Variants in CEP112 observed in about 807,000 individuals in gnomAD.
CEP112 encodes the protein centrosomal protein 112.
A neutral mutation model predicts 153.0 loss-of-function variants in CEP112; 127 were observed. The observed-to-expected ratio is 0.83, with a 90% CI of 0.72 to 0.96. The LOEUF (loss-of-function observed/expected upper bound fraction) is 0.96. CEP112 is among the 40% of genes least tolerant of loss of function. The pLI is 0.00. For synonymous variants in CEP112, 358 were observed against 374.4 expected (o/e 0.96, Z 0.51); for missense variants, 1,089 against 1,101.2 (o/e 0.99, Z 0.16).
intron 19 of CEP112, among the ~76,000 whole-genome samples, chr17:65,923,384 C>T (rs2060802032): frequency 6.6e-6 from 1 of 151,922 alleles, no homozygotes; most frequent in Non-Finnish European, 1.5e-5. Context: ...TAAAATGTTA[C>T]AGAATATAAT....
intron 26 of CEP112, among the ~76,000 whole-genome samples, chr17:65,636,415 C>T (rs2044771036): frequency 6.6e-6 from 1 of 152,082 alleles, no homozygotes; most frequent in Non-Finnish European, 1.5e-5. Flanking sequence ...CAATGCCAAA[C>T]CCTTGGGGGA....
chr17:66,183,444 C>T (rs1013206643), intron 1 of CEP112, 137 bp from the exon 2 acceptor site: 14 of 517,706 alleles, frequency 2.7e-5, no homozygotes, highest in Non-Finnish European at 4.4e-5. Context: ...AATGCAACTC[C>T]CATCAAAACC....
At chr17:65,949,143 A>G (rs2144600951) in intron 18 of CEP112, among the ~76,000 whole-genome samples, 1 of 152,340 alleles carries the variant, frequency 6.6e-6, no homozygotes, top group East Asian at 1.9e-4. Context: ...AATCAAAGAC[A>G]CAATTTACCA....
Position 65,646,915 on chromosome 17 carries a change from G to C in CEP112, c.2698-5850C>G, listed in dbSNP as rs181235729. Reference sequence around the variant, plus strand: ...ACAATAACAATGACAACAACAACTGGTTCCAGAGGACTCCCCACGCCTTCC... The same window carrying C: ...ACAATAACAATGACAACAACAACTGCTTCCAGAGGACTCCCCACGCCTTCC... On this transcript the variant is annotated intron_variant, in intron 24 of 26. Coordinates refer to ENST00000535342, the MANE Select transcript of CEP112 (RefSeq NM_001199165.4). 1.7e-4 allele frequency among the ~76,000 whole-genome samples: 26 copies of C among 152,234 alleles called. 2 individuals are homozygous for C. The East Asian group carries it at 4.6e-3, about 27-fold the overall frequency.
chr17:65,917,246 T>G (rs144937658), intron 19 of CEP112, among the ~76,000 whole-genome samples: 1 of 152,126 alleles, frequency 6.6e-6, no homozygotes, highest in African/African-American at 2.4e-5. Flanking sequence ...GGGGCTGATA[T>G]GTAGCTGGGG....
chr17:66,138,710 A>T (rs1452078450), intron 4 of CEP112, among the ~76,000 whole-genome samples: 1 of 152,188 alleles, frequency 6.6e-6, no homozygotes, highest in Non-Finnish European at 1.5e-5. Context: ...CAAAACATAA[A>T]AAAAAAGAAT....
intron 19 of CEP112, among the ~76,000 whole-genome samples, chr17:65,922,500 C>G (rs2060769877): frequency 6.6e-6 from 1 of 151,786 alleles, no homozygotes; most frequent in Non-Finnish European, 1.5e-5. Context: ...CAGTGGTGTG[C>G]CAAAACAATT....
At chr17:65,653,329 T>C (rs573684557) in intron 24 of CEP112, among the ~76,000 whole-genome samples, 5 of 152,298 alleles carry the variant, frequency 3.3e-5, no homozygotes, top group East Asian at 3.9e-4. Flanking sequence ...CACCAATACA[T>C]AGGAGGATTA....
intron 21 of CEP112, among the ~76,000 whole-genome samples, chr17:65,807,456 A>T (rs2055675897): frequency 6.6e-6 from 1 of 152,232 alleles, no homozygotes; most frequent in South Asian, 2.1e-4. Flanking sequence ...CAGAGGAGCC[A>T]AATGTTAATA....
chr17:65,771,716 G>C (rs982334432), intron 21 of CEP112, among the ~76,000 whole-genome samples: 1 of 152,056 alleles, frequency 6.6e-6, no homozygotes, highest in Non-Finnish European at 1.5e-5. Context: ...TAATATTAGA[G>C]TCAAAGAAAG....
At chr17:66,086,103 C>A (rs1263876670) in intron 8 of CEP112, among the ~76,000 whole-genome samples, 1 of 151,448 alleles carries the variant, frequency 6.6e-6, no homozygotes, top group Admixed American at 6.6e-5. Flanking sequence ...CAATAATTAT[C>A]TCTGAAGAAT....
intron 20 of CEP112, among the ~76,000 whole-genome samples, chr17:65,872,099 T>C (rs965087546): frequency 6.6e-6 from 1 of 152,210 alleles, no homozygotes; most frequent in Non-Finnish European, 1.5e-5. Flanking sequence ...CTAACTAAAT[T>C]CATGGTAATA....
intron 12 of CEP112, among the ~76,000 whole-genome samples, chr17:66,036,179 A>G (rs753774409): frequency 6.6e-6 from 1 of 152,218 alleles, no homozygotes; most frequent in Non-Finnish European, 1.5e-5. Context: ...CCATATAAAC[A>G]AAGTAGAGTG....
intron 18 of CEP112, among the ~76,000 whole-genome samples, chr17:65,935,780 A>C (rs1169135305): frequency 6.6e-6 from 1 of 152,082 alleles, no homozygotes; most frequent in Admixed American, 6.5e-5. Flanking sequence ...AGGGAAATTA[A>C]TGGCATTTTT....
intron 4 of CEP112, among the ~76,000 whole-genome samples, chr17:66,144,977 T>C (rs2070861057): frequency 6.6e-6 from 1 of 152,200 alleles, no homozygotes; most frequent in African/African-American, 2.4e-5. Context: ...TGCAATATTA[T>C]ACTCCCATCA....
At position 66,069,601 on chromosome 17, in the gene CEP112, T is replaced by C. The variant is rs933047126; in HGVS notation, c.855+314A>G. On this transcript the variant is annotated intron_variant, in intron 9 of 26. Coordinates refer to ENST00000535342, the MANE Select transcript of CEP112 (RefSeq NM_001199165.4). ...TTACCATTGATGTCTTATTTCAACT[T>C]TCATGAAAGGTAATGACAGAATGCA... Among the ~76,000 whole-genome samples, 19 of 152,076 alleles carry C rather than the reference T, an allele frequency of 1.2e-4. 2 individuals carry two copies. Among genetic ancestry groups the C allele is most frequent in the Admixed American group, 1.2e-3 (18 of 15,274 alleles).
At chr17:65,841,039 A>G (rs974629213) in intron 21 of CEP112, among the ~76,000 whole-genome samples, 6 of 152,100 alleles carry the variant, frequency 3.9e-5, no homozygotes, top group African/African-American at 1.2e-4. Flanking sequence ...GAACACTAAT[A>G]CATTGTTAGT....
chr17:65,641,833 A>C (rs903941311), intron 24 of CEP112, among the ~76,000 whole-genome samples: 1 of 152,212 alleles, frequency 6.6e-6, no homozygotes, highest in Non-Finnish European at 1.5e-5. Flanking sequence ...GACATGAATG[A>C]AGGAGAATCT....
At chr17:65,756,035 T>C (rs2145321939) in intron 21 of CEP112, among the ~76,000 whole-genome samples, 1 of 152,154 alleles carries the variant, frequency 6.6e-6, no homozygotes, top group Admixed American at 6.5e-5. Context: ...GAGGTCTAAG[T>C]ATACTCAGCC....
Sources: allele counts gnomAD v4.1 joint callset (sites outside exome capture counted in the v4.1 genomes callset), GRCh38; gene constraint gnomAD v4.1.1; transcripts MANE v1.5; gene names NCBI Gene and HGNC (gene_info 2026-07-23, HGNC 2026-07-21).